Variants in AKR1C8 observed in about 807,000 individuals in gnomAD.
The protein encoded by AKR1C8 is aldo-keto reductase family 1 member C-like protein 1.
At chr10:5,125,012 T>C in the AKR1C8 span, among the ~76,000 whole-genome samples, 1 of 151,542 alleles carries the variant, frequency 6.6e-6, no homozygotes, top group Non-Finnish European at 1.5e-5. Flanking sequence ...AGTTAACTTA[T>C]CAAAATACAG....
At chr10:5,147,223 C>A in the AKR1C8 span, among the ~76,000 whole-genome samples, 1 of 152,158 alleles carries the variant, frequency 6.6e-6, no homozygotes, top group South Asian at 2.1e-4. Flanking sequence ...CAAGAATTCA[C>A]TCACTACTGC....
the AKR1C8 span, among the ~76,000 whole-genome samples, chr10:5,144,000 C>T: frequency 1.4e-3 from 206 of 152,036 alleles, 1 homozygote; most frequent in African/African-American, 4.8e-3. Flanking sequence ...TACCATATTC[C>T]ACAATTTGCA....
chr10:5,151,712 A>G, the AKR1C8 span, among the ~76,000 whole-genome samples: 1 of 151,982 alleles, frequency 6.6e-6, no homozygotes, highest in African/African-American at 2.4e-5. Context: ...ACACACCACC[A>G]TGCCTGGCTA....
the AKR1C8 span, among the ~76,000 whole-genome samples, chr10:5,163,755 G>C: frequency 6.6e-6 from 1 of 152,170 alleles, no homozygotes; most frequent in East Asian, 1.9e-4. Context: ...AAAGACAAAG[G>C]CCCAACATAA....
the AKR1C8 span, among the ~76,000 whole-genome samples, chr10:5,117,788 C>T: frequency 9.9e-5 from 15 of 152,092 alleles, no homozygotes; most frequent in African/African-American, 3.4e-4. Context: ...AAGTAAGGTG[C>T]CAGGCTCTTT....
the AKR1C8 span, chr10:5,160,980 G>A: frequency 2.3e-6 from 1 of 435,670 alleles, no homozygotes; most frequent in Non-Finnish European, 4.6e-6. Flanking sequence ...ACCTTCAAGA[G>A]TTTCAGGAGG....
At chr10:5,136,446 G>T in the AKR1C8 span, among the ~76,000 whole-genome samples, 3 of 55,784 alleles carry the variant, frequency 5.4e-5, no homozygotes. Flanking sequence ...TACTCAAGAG[G>T]CTGAGGCAGG....
the AKR1C8 span, among the ~76,000 whole-genome samples, chr10:5,148,609 C>G: frequency 2.6e-4 from 39 of 152,114 alleles, no homozygotes; most frequent in African/African-American, 9.2e-4. Context: ...CTTATTAGTG[C>G]TCACTGAATC....
the AKR1C8 span, among the ~76,000 whole-genome samples, chr10:5,117,335 G>A: frequency 2.0e-5 from 3 of 152,076 alleles, no homozygotes; most frequent in African/African-American, 7.2e-5. Context: ...CTCCAGGGTG[G>A]TCTTCAACTA....
At chr10:5,146,984 G>A in the AKR1C8 span, among the ~76,000 whole-genome samples, 42,393 of 152,082 alleles carry the variant, frequency 0.28, 6,768 homozygotes, top group Non-Finnish European at 0.36. Flanking sequence ...CCGAAGGTGA[G>A]TAATTTATAA....
At chr10:5,132,749 C>T in the AKR1C8 span, 1 of 1,480,946 alleles carries the variant, frequency 6.8e-7, no homozygotes, top group Non-Finnish European at 9.3e-7. Context: ...TTGTAACCTC[C>T]ACAACTCTAT....
the AKR1C8 span, among the ~76,000 whole-genome samples, chr10:5,133,497 T>A: frequency 6.6e-6 from 1 of 152,180 alleles, no homozygotes; most frequent in Non-Finnish European, 1.5e-5. Context: ...CTCTCAGTGA[T>A]GTTGCACAAA....
At chr10:5,129,873 A>C in the AKR1C8 span, among the ~76,000 whole-genome samples, 1 of 151,976 alleles carries the variant, frequency 6.6e-6, no homozygotes, top group Non-Finnish European at 1.5e-5. Flanking sequence ...TACTGAAAAT[A>C]TTCAAAAAGA....
At chr10:5,181,189 A>C in the AKR1C8 span, among the ~76,000 whole-genome samples, 1 of 152,362 alleles carries the variant, frequency 6.6e-6, no homozygotes, top group Non-Finnish European at 1.5e-5. Context: ...ATAAAGAATT[A>C]TTAAAGGTTT....
At chr10:5,165,241 A>C in the AKR1C8 span, among the ~76,000 whole-genome samples, 2 of 152,180 alleles carry the variant, frequency 1.3e-5, no homozygotes, top group Admixed American at 1.3e-4. Flanking sequence ...GAATTTTAAC[A>C]GTTTCTTTAT....
chr10:5,145,834 C>A, the AKR1C8 span, among the ~76,000 whole-genome samples: 5 of 152,140 alleles, frequency 3.3e-5, no homozygotes, highest in East Asian at 7.8e-4. Flanking sequence ...TTGACCCAGC[C>A]ATCCCATTAC....
chr10:5,128,562 G>C, the AKR1C8 span, among the ~76,000 whole-genome samples: 2 of 151,742 alleles, frequency 1.3e-5, no homozygotes, highest in South Asian at 4.2e-4. Flanking sequence ...ATAAAGATTT[G>C]GATAAGCTCA....
the AKR1C8 span, chr10:5,155,640 A>G: frequency 2.2e-6 from 1 of 453,088 alleles, no homozygotes; most frequent in Non-Finnish European, 4.6e-6. Flanking sequence ...TACTACAGAA[A>G]ACAGCCTGTG....
the AKR1C8 span, among the ~76,000 whole-genome samples, chr10:5,119,869 C>T: frequency 5.0e-4 from 76 of 152,198 alleles, no homozygotes; most frequent in African/African-American, 1.5e-3. Flanking sequence ...AGTGTTTTTC[C>T]GAAGGTACAG....
Sources: allele counts gnomAD v4.1 joint callset (sites outside exome capture counted in the v4.1 genomes callset), GRCh38; gene constraint gnomAD v4.1.1; transcripts MANE v1.5; gene names NCBI Gene and HGNC (gene_info 2026-07-23, HGNC 2026-07-21).